Variants in ABCB7 observed in about 807,000 individuals in gnomAD.
ABCB7 encodes the protein ATP binding cassette subfamily B member 7, also known as iron-sulfur clusters transporter ABCB7, mitochondrial.
A neutral mutation model predicts 54.4 loss-of-function variants in ABCB7; 7 were observed. The observed-to-expected ratio is 0.13, with a 90% confidence interval of 0.07 to 0.24. The LOEUF (loss-of-function observed/expected upper bound fraction) is 0.24, where lower values mean the gene tolerates loss of function less well. ABCB7 is among the 10% of genes least tolerant of loss of function. The pLI, the probability that ABCB7 is intolerant of heterozygous loss-of-function variation, is 1.00. For missense variants in ABCB7, 356 were observed against 570.4 expected, an observed-to-expected ratio of 0.62 and a Z score of 3.83; for synonymous variants, 218 against 207.1, an observed-to-expected ratio of 1.05 and a Z score of -0.45.
intron 4 of ABCB7, among the ~76,000 whole-genome samples, chrX:75,094,031 T>A: frequency 3.2e-5 from 1 of 31,664 alleles, no homozygotes; most frequent in African/African-American, 5.2e-5. Flanking sequence ...TATATATATA[T>A]ATATATATAT....
At chrX:75,145,199 A>T (rs188426134) in intron 1 of ABCB7, among the ~76,000 whole-genome samples, 119 of 111,351 alleles carry the variant, frequency 1.1e-3, no homozygotes, top group Middle Eastern at 9.2e-3. Flanking sequence ...TATTCCAAAA[A>T]ATTGAGAAGG....
rs1308724147 is a variant in ABCB7 at position 75,060,438 on chromosome X, A to G, written c.1936-108T>C. 4.9e-6 allele frequency: 3 copies of G among 609,121 alleles called. No individual in the cohort carries two copies. The Admixed American group carries it at 8.3e-5, about 17-fold the overall frequency. 50.2% of individuals were successfully genotyped at this position (609,121 alleles called of 1,213,427 possible). ...TTCCTAAAGGAACATAAAAAATGCC[A>G]GTTTTTTTTTAGTATGTAACTTTAT... is the stretch of plus-strand genomic sequence containing the variant. On this transcript the variant is annotated intron_variant, in intron 14 of 15. Coordinates refer to ENST00000373394, the MANE Select transcript of ABCB7 (RefSeq NM_001271696.3).
intron 6 of ABCB7, among the ~76,000 whole-genome samples, chrX:75,074,832 T>A (rs2081393183): frequency 9.0e-6 from 1 of 110,865 alleles, no homozygotes; most frequent in African/African-American, 3.3e-5. Context: ...CACTGGGGCC[T>A]ATTGAGGGTG....
intron 3 of ABCB7, among the ~76,000 whole-genome samples, chrX:75,109,733 G>A (rs979417587): frequency 3.6e-5 from 4 of 111,661 alleles, no homozygotes; most frequent in Non-Finnish European, 5.7e-5. Flanking sequence ...TAGGCTGAAG[G>A]TTTTCTCCCT....
chrX:75,116,052 TG>T (rs2081815320), intron 1 of ABCB7, among the ~76,000 whole-genome samples: 2 of 111,803 alleles, frequency 1.8e-5, no homozygotes, highest in African/African-American at 6.5e-5. Flanking sequence ...CTGTCTCTTG[TG>T]GGGGAAATTT....
At chrX:75,070,623 T>A in intron 9 of ABCB7, 101 bp from the exon 10 acceptor site, 1 of 832,285 alleles carries the variant, frequency 1.2e-6, no homozygotes, top group Non-Finnish European at 1.8e-6. Context: ...AAAATATTCT[T>A]AATCAGCAAC....
chrX:75,146,662 A>G, intron 1 of ABCB7, among the ~76,000 whole-genome samples: 1 of 112,267 alleles, frequency 8.9e-6, no homozygotes, highest in East Asian at 2.8e-4. Context: ...ATAAACAAAA[A>G]TTAACTCAAG....
At chrX:75,145,204 A>G (rs939668444) in intron 1 of ABCB7, among the ~76,000 whole-genome samples, 4 of 111,567 alleles carry the variant, frequency 3.6e-5, no homozygotes, top group South Asian at 3.9e-4. Context: ...CAAAAAATTG[A>G]GAAGGAACTC....
chrX:75,071,557 C>A lies in ABCB7; in HGVS notation c.1159G>T (p.Val387Phe). ...AGCACCATTATAGCTGTTAAACCGA[C>A]ACTGAAAATAGCACTTTGACCAAAG... ...LNFGQSAIFS[V>F]GLTAIMVLAS... The change falls in exon 9 of 16, where the codon GTC becomes TTC. Residue 387 changes from valine to phenylalanine, a missense_variant. Coordinates refer to ENST00000373394, the MANE Select transcript of ABCB7 (RefSeq NM_001271696.3). 8.3e-7 allele frequency: 1 copy of A among 1,211,353 alleles called. No individual in the cohort carries two copies. The highest frequency in any genetic ancestry group is 1.8e-5 in the South Asian group (1 of 56,965).
intron 1 of ABCB7, among the ~76,000 whole-genome samples, chrX:75,147,735 T>A (rs1469564650): frequency 8.9e-6 from 1 of 111,978 alleles, no homozygotes; most frequent in Non-Finnish European, 1.9e-5. Flanking sequence ...GCTTAATACC[T>A]GGGTGATAAA....
chrX:75,082,217 C>T (rs1056385071), intron 4 of ABCB7, among the ~76,000 whole-genome samples: 2 of 111,261 alleles, frequency 1.8e-5, no homozygotes, highest in South Asian at 3.8e-4. Context: ...GATAAAAACA[C>T]GTTATGTATA....
chrX:75,073,630 G>A (rs183788863), intron 8 of ABCB7, 59 bp downstream of exon 8: 301 of 918,025 alleles, frequency 3.3e-4, no homozygotes, highest in Non-Finnish European at 3.2e-4. Flanking sequence ...TAAATTAAAT[G>A]GTAGATCAAA....
At chrX:75,116,200 C>G (rs946209436) in intron 1 of ABCB7, among the ~76,000 whole-genome samples, 2 of 111,190 alleles carry the variant, frequency 1.8e-5, no homozygotes, top group African/African-American at 3.3e-5. Flanking sequence ...TGAGAAGAAC[C>G]TTGGATTCCA....
intron 3 of ABCB7, among the ~76,000 whole-genome samples, chrX:75,099,682 C>A (rs770302036): frequency 1.5e-4 from 17 of 110,890 alleles, no homozygotes; most frequent in Non-Finnish European, 2.3e-4. Flanking sequence ...CCATTAAATT[C>A]TTTTGCTTTA....
At chrX:75,092,610 C>G (rs985871994) in intron 4 of ABCB7, among the ~76,000 whole-genome samples, 1 of 111,069 alleles carries the variant, frequency 9.0e-6, no homozygotes, top group African/African-American at 3.3e-5. Flanking sequence ...AAGACACTGT[C>G]AAGAGAATAA....
chrX:75,076,877 C>T (rs1315605373), intron 4 of ABCB7, among the ~76,000 whole-genome samples: 2 of 111,304 alleles, frequency 1.8e-5, no homozygotes, highest in Non-Finnish European at 3.8e-5. Context: ...CATTTATAAG[C>T]TATGTGAATT....
At chrX:75,087,528 A>G (rs996415688) in intron 4 of ABCB7, among the ~76,000 whole-genome samples, 4 of 112,070 alleles carry the variant, frequency 3.6e-5, no homozygotes, top group African/African-American at 1.3e-4. Context: ...TTGTATATAA[A>G]GTTTGCTCTG....
chrX:75,115,624 G>C (rs1484335504), intron 1 of ABCB7, among the ~76,000 whole-genome samples: 1 of 108,372 alleles, frequency 9.2e-6, no homozygotes, highest in African/African-American at 3.4e-5. Context: ...CACAAGATCA[G>C]TTTTGACAAA....
chrX:75,079,004 A>G (rs1002085347), intron 4 of ABCB7, among the ~76,000 whole-genome samples: 4 of 112,232 alleles, frequency 3.6e-5, no homozygotes, highest in African/African-American at 1.3e-4. Flanking sequence ...TGCAATTCTC[A>G]TAACTCACAG....
Sources: allele counts gnomAD v4.1 joint callset (sites outside exome capture counted in the v4.1 genomes callset), GRCh38; gene constraint gnomAD v4.1.1; transcripts MANE v1.5; gene names NCBI Gene and HGNC (gene_info 2026-07-23, HGNC 2026-07-21).